MYO5A: variants seen among roughly 807,000 people sequenced by gnomAD.
MYO5A encodes myosin VA, also known as unconventional myosin-Va.
MYO5A carries 98 observed loss-of-function variants against 249.7 expected under a neutral mutation model. The ratio of observed to expected loss-of-function variants is 0.39; its 90% CI spans 0.33 to 0.46. The LOEUF is 0.46. Ranked by LOEUF, MYO5A falls within the 20% of genes least tolerant of loss-of-function variation. The pLI is 0.98. For synonymous variants in MYO5A, 778 were observed against 810.6 expected (o/e 0.96, Z 0.68); for missense variants, 1,696 against 2,308.8 (o/e 0.73, Z 5.44).
chr15:52,344,575 C>G (rs2141000658), intron 30 of MYO5A, among the ~76,000 whole-genome samples: 1 of 152,310 alleles, frequency 6.6e-6, no homozygotes, highest in South Asian at 2.1e-4. Flanking sequence ...CCAGCCAAGC[C>G]CAAGTCACCA....
intron 18 of MYO5A, among the ~76,000 whole-genome samples, chr15:52,378,500 A>T (rs1351563828): frequency 7.5e-6 from 1 of 132,580 alleles, no homozygotes; most frequent in Non-Finnish European, 1.6e-5. Context: ...CCTGGGTGAA[A>T]GAGCAAGACT....
chr15:52,476,459 C>T (rs556247297), intron 1 of MYO5A, among the ~76,000 whole-genome samples: 35 of 152,228 alleles, frequency 2.3e-4, no homozygotes, highest in South Asian at 6.2e-4. Flanking sequence ...TTATTTTGCT[C>T]GTTAGTTGAT....
At chr15:52,507,804 CAAAA>C (rs57445300) in intron 1 of MYO5A, among the ~76,000 whole-genome samples, 2 of 102,960 alleles carry the variant, frequency 1.9e-5, no homozygotes. Flanking sequence ...ACCCTGTCCC[CAAAA>C]AAAAAAAAAA....
intron 1 of MYO5A, among the ~76,000 whole-genome samples, chr15:52,482,917 T>G (rs2141499461): frequency 6.6e-6 from 1 of 152,270 alleles, no homozygotes; most frequent in Non-Finnish European, 1.5e-5. Flanking sequence ...ATCATTGCAA[T>G]GGACTGATAC....
intron 1 of MYO5A, among the ~76,000 whole-genome samples, chr15:52,488,422 C>T (rs2141525800): frequency 6.6e-6 from 1 of 152,304 alleles, no homozygotes; most frequent in Middle Eastern, 3.4e-3. Context: ...TAGTTGTACA[C>T]ATGATCAAAT....
intron 1 of MYO5A, among the ~76,000 whole-genome samples, chr15:52,513,354 C>T (rs1345687420): frequency 2.0e-5 from 3 of 149,464 alleles, no homozygotes; most frequent in African/African-American, 7.4e-5. Flanking sequence ...TAGCCTGAAC[C>T]CGGGAGGCAG....
At position 52,372,321 on chromosome 15, in the gene MYO5A, G is replaced by A. The variant is rs1418196344; in HGVS notation, c.2620C>T (p.Arg874Trp). The change falls in exon 21 of 42, where the codon CGG becomes TGG. Residue 874 changes from arginine (R) to tryptophan (W), a missense_variant. Transcript: ENST00000399233. The stretch of plus-strand genomic sequence containing the variant: ...TAGTGTGTGCGGGCCAGCCAGCCCC[G>A]GACTCGCTTCTGAATGATGACTGCT... ...HKAVIIQKRV[R>W]GWLARTHYKR... 5 of 1,606,182 alleles carry A rather than the reference G, an allele frequency of 3.1e-6. No homozygotes were observed. The highest frequency in any genetic ancestry group is 1.7e-5 in the Admixed American group (1 of 59,998).
At chr15:52,506,338 G>A (rs564400420) in intron 1 of MYO5A, among the ~76,000 whole-genome samples, 31 of 151,938 alleles carry the variant, frequency 2.0e-4, no homozygotes, top group Admixed American at 9.2e-4. Context: ...GTGACAGAGC[G>A]AGACTCTGTC....
At chr15:52,372,665 A>G (rs866752640) in intron 20 of MYO5A, among the ~76,000 whole-genome samples, 15 of 152,334 alleles carry the variant, frequency 9.8e-5, no homozygotes, top group Middle Eastern at 3.4e-3. Flanking sequence ...TCTAAATAAA[A>G]AGCACCAGAT....
intron 14 of MYO5A, among the ~76,000 whole-genome samples, chr15:52,386,498 A>G (rs781292559): frequency 5.3e-5 from 8 of 152,090 alleles, no homozygotes; most frequent in Non-Finnish European, 8.8e-5. Flanking sequence ...TCTCTTACAT[A>G]TCAATCCTGT....
In MYO5A at chr15:52,370,190, T is replaced by C; in HGVS notation, c.3045A>G (p.Arg1015=). The change falls in exon 22 of 42, where the codon CGA becomes CGG. Residue 1015 remains arginine (R), a synonymous_variant. Transcript: ENST00000399233. ...CTACCTGCTCTGTTTCTTGTTTGTATCGATCTGCATGTTCCTCAATGCATT... is the reference window on the plus strand; with the variant it reads ...CTACCTGCTCTGTTTCTTGTTTGTACCGATCTGCATGTTCCTCAATGCATT... ...EKKCIEEHAD[R]YKQETEQLVS... is the part of the protein sequence containing the mutation. 1.2e-6 allele frequency: 2 copies of C among 1,614,148 alleles called. No homozygotes were observed. The highest frequency in any genetic ancestry group is 1.7e-6 in the Non-Finnish European group (2 of 1,180,000).
rs143721471 is a variant in MYO5A at position 52,414,579 on chromosome 15, T to C, written c.612+1566A>G. On this transcript the variant is annotated intron_variant, in intron 5 of 41. Coordinates refer to ENST00000399233, the MANE Select transcript of MYO5A (RefSeq NM_001382347.1). ...TCACAGACAACTTCAAATCCTAGTA[T>C]TATATGGTCCAGGCCCGGAAGAAAT... Among the ~76,000 whole-genome samples, 665 of 152,236 alleles carry C rather than the reference T, an allele frequency of 4.4e-3. 1 individual carries two copies. Among genetic ancestry groups the C allele is most frequent in the Admixed American group, 7.8e-3 (119 of 15,278 alleles).
In MYO5A at chr15:52,381,782, T is replaced by TCA. The variant is rs1555438778; in HGVS notation, c.2012+1307_2012+1308dup. ...TTTTGTGTCTCTCTCTCTCTCTCTC[T>TCA]CACACACACACACACACACACACAC... On this transcript the variant is annotated intron_variant, in intron 16 of 41. Coordinates refer to ENST00000399233, the MANE Select transcript of MYO5A (RefSeq NM_001382347.1). Among the ~76,000 whole-genome samples the TCA allele has an allele frequency of 7.4e-3, 1,021 of 137,842 alleles. 7 individuals are homozygous for TCA. The highest frequency in any genetic ancestry group is 0.024 in the African/African-American group (931 of 38,086). The allele number at this position is 137,842 out of a possible 152,430, so 90.4% of individuals were successfully genotyped here.
At chr15:52,431,262 T>G (rs1007783624) in intron 2 of MYO5A, among the ~76,000 whole-genome samples, 1 of 125,994 alleles carries the variant, frequency 7.9e-6, no homozygotes, top group African/African-American at 3.0e-5. Context: ...GTGCAGTAGC[T>G]GATGCCTTTA....
chr15:52,358,032 C>T (rs16964910), intron 25 of MYO5A, among the ~76,000 whole-genome samples: 1 of 152,122 alleles, frequency 6.6e-6, no homozygotes, highest in South Asian at 2.1e-4. Context: ...GAAAGCTTGA[C>T]AGCAGAAGCA....
intron 1 of MYO5A, among the ~76,000 whole-genome samples, chr15:52,483,904 G>C (rs1040876328): frequency 1.3e-5 from 2 of 152,174 alleles, no homozygotes; most frequent in Non-Finnish European, 2.9e-5. Context: ...CTGACCAAAA[G>C]CCTTGCTTCT....
intron 10 of MYO5A, 127 bp from the exon 11 acceptor site, chr15:52,396,524 T>C (rs2042492353): frequency 1.6e-6 from 1 of 640,172 alleles, no homozygotes; most frequent in Admixed American, 2.8e-5. Context: ...TTTCTTTCCA[T>C]ATCAGTGAAA....
At chr15:52,415,671 G>A (rs1016581037) in intron 5 of MYO5A, among the ~76,000 whole-genome samples, 4 of 152,156 alleles carry the variant, frequency 2.6e-5, no homozygotes, top group East Asian at 1.9e-4. Context: ...AGCCAACTGA[G>A]GTCGGACTAA....
intron 1 of MYO5A, among the ~76,000 whole-genome samples, chr15:52,433,807 G>GA (rs2075596686): frequency 6.6e-6 from 1 of 151,908 alleles, no homozygotes; most frequent in Admixed American, 6.6e-5. Context: ...AGTGTGCTCT[G>GA]AAAAAACAGT....
Sources: allele counts gnomAD v4.1 joint callset (sites outside exome capture counted in the v4.1 genomes callset), GRCh38; gene constraint gnomAD v4.1.1; transcripts MANE v1.5; gene names NCBI Gene and HGNC (gene_info 2026-07-23, HGNC 2026-07-21).